Variants in NKAIN3 observed in about 807,000 individuals in gnomAD.
The protein encoded by NKAIN3 is sodium/potassium-transporting ATPase subunit beta-1-interacting protein 3.
NKAIN3 carries 25 observed loss-of-function variants against 30.2 expected under a neutral mutation model. That is an observed-to-expected ratio of 0.83 (90% CI 0.60 to 1.16). The LOEUF (loss-of-function observed/expected upper bound fraction) is 1.16. NKAIN3 is among the 50% of genes most tolerant of loss of function. NKAIN3 has a pLI of 0.00. For missense variants in NKAIN3, 225 were observed against 254.1 expected (o/e 0.89, Z 0.78); for synonymous variants, 91 against 89.6 (o/e 1.02, Z -0.09).
chr8:62,452,571 G>T (rs1206010053), intron 1 of NKAIN3, among the ~76,000 whole-genome samples: 1 of 152,078 alleles, frequency 6.6e-6, no homozygotes, highest in Non-Finnish European at 1.5e-5. Context: ...CCAATGTGAG[G>T]CTTAAATATT....
rs1823816925 is a variant in NKAIN3 at position 62,970,818 on chromosome 8, C to G, written c.*5411C>G. Among the ~76,000 whole-genome samples the G allele has an allele frequency of 6.6e-6, 1 of 152,148 alleles. No homozygotes were observed. The highest frequency in any genetic ancestry group is 6.5e-5 in the Admixed American group (1 of 15,272). Reference sequence around the variant, plus strand: ...CATTTTCCATGTAAGGCATGTTTTTCCTTTCCTCTTCAGAGTTATTTAGAA... The same window carrying G: ...CATTTTCCATGTAAGGCATGTTTTTGCTTTCCTCTTCAGAGTTATTTAGAA... On this transcript the variant is annotated 3_prime_UTR_variant, in exon 7 of 7. Transcript: ENST00000623646.
chr8:62,453,908 C>A (rs1805728213), intron 1 of NKAIN3, among the ~76,000 whole-genome samples: 1 of 152,022 alleles, frequency 6.6e-6, no homozygotes, highest in Admixed American at 6.6e-5. Flanking sequence ...CAGAAAAAAA[C>A]CAGGATCAGA....
chr8:62,731,680 C>G (rs989044653), intron 3 of NKAIN3, among the ~76,000 whole-genome samples: 6 of 152,034 alleles, frequency 3.9e-5, no homozygotes, highest in African/African-American at 1.4e-4. Context: ...AAAAGTTAGC[C>G]CCCGAAACCG....
chr8:62,594,653 T>C (rs1262395325), intron 3 of NKAIN3, among the ~76,000 whole-genome samples: 1 of 152,086 alleles, frequency 6.6e-6, no homozygotes, highest in Non-Finnish European at 1.5e-5. Context: ...TCAGATTGTA[T>C]TTAAAGACTT....
At chr8:62,487,049 A>C (rs1315257951) in intron 1 of NKAIN3, among the ~76,000 whole-genome samples, 1 of 152,200 alleles carries the variant, frequency 6.6e-6, no homozygotes, top group Non-Finnish European at 1.5e-5. Flanking sequence ...GGGGCCATGC[A>C]CTGAAATGCC....
chr8:62,856,061 A>G (rs2130781434), intron 4 of NKAIN3: 1 of 698,054 alleles, frequency 1.4e-6, no homozygotes, highest in Non-Finnish European at 2.6e-6. Flanking sequence ...CCAAGGGCTT[A>G]CACCCCATGA....
At chr8:62,637,892 C>T (rs1367507921) in intron 3 of NKAIN3, among the ~76,000 whole-genome samples, 1 of 152,090 alleles carries the variant, frequency 6.6e-6, no homozygotes, top group East Asian at 1.9e-4. Flanking sequence ...GACCCCTCTG[C>T]CTATAACACA....
At chr8:62,776,829 C>A (rs192817320) in intron 4 of NKAIN3, among the ~76,000 whole-genome samples, 11 of 152,268 alleles carry the variant, frequency 7.2e-5, no homozygotes, top group Middle Eastern at 3.4e-3. Flanking sequence ...TTACTTCTCA[C>A]TCATTAATGA....
intron 4 of NKAIN3, among the ~76,000 whole-genome samples, chr8:62,835,348 G>T (rs913814895): frequency 6.6e-6 from 1 of 152,164 alleles, no homozygotes; most frequent in South Asian, 2.1e-4. Context: ...AAGAGCTTCC[G>T]CACAACAAAA....
At chr8:62,566,528 T>G (rs567202663) in intron 1 of NKAIN3, among the ~76,000 whole-genome samples, 2 of 152,266 alleles carry the variant, frequency 1.3e-5, no homozygotes, top group East Asian at 3.9e-4. Context: ...TGAATTATAT[T>G]CTAATGGTTG....
rs183872923 is a variant in NKAIN3 at position 62,289,534 on chromosome 8, T to C, written c.54+40407T>C. The stretch of plus-strand genomic sequence containing the variant: ...CCATTTCTTGTTTTTGTCAGGTTTG[T>C]CAAAGATCAAATGGGTGCAGATGTG... On this transcript the variant is annotated intron_variant, in intron 1 of 6. Coordinates refer to ENST00000623646, the MANE Select transcript of NKAIN3 (RefSeq NM_001304533.3). 9.2e-5 allele frequency among the ~76,000 whole-genome samples: 14 copies of C among 152,302 alleles called. No individual in the cohort carries two copies. The East Asian group carries it at 2.5e-3, about 27-fold the overall frequency.
chr8:62,345,620 C>T (rs1000234408), intron 1 of NKAIN3, among the ~76,000 whole-genome samples: 16 of 134,838 alleles, frequency 1.2e-4, no homozygotes, highest in South Asian at 1.1e-3. Context: ...TATATACACA[C>T]ATATATATAC....
chr8:62,275,901 G>C (rs757691736), intron 1 of NKAIN3, among the ~76,000 whole-genome samples: 3 of 151,988 alleles, frequency 2.0e-5, no homozygotes, highest in Non-Finnish European at 4.4e-5. Flanking sequence ...AGATGCTTAA[G>C]AAATAAACTT....
intron 3 of NKAIN3, among the ~76,000 whole-genome samples, chr8:62,600,334 ATCAGGGGCCT>A (rs1810952009): frequency 6.6e-6 from 1 of 152,042 alleles, no homozygotes; most frequent in South Asian, 2.1e-4. Context: ...ATGAGCTTTG[ATCAGGGGCCT>A]TCTAAAATCT....
At chr8:62,840,424 C>CAA (rs35484656) in intron 4 of NKAIN3, among the ~76,000 whole-genome samples, 34 of 142,872 alleles carry the variant, frequency 2.4e-4, no homozygotes, top group Admixed American at 1.5e-3. Flanking sequence ...TGGAGGGTCA[C>CAA]AAAAAAAAAA....
chr8:62,364,828 C>CAAAAAATAAAAA (rs1816683857), intron 1 of NKAIN3, among the ~76,000 whole-genome samples: 1 of 63,760 alleles, frequency 1.6e-5, no homozygotes, highest in Non-Finnish European at 2.6e-5. Flanking sequence ...GACTCCACTA[C>CAAAAAATAAAAA]AAAAAAAAAA....
intron 3 of NKAIN3, among the ~76,000 whole-genome samples, chr8:62,592,871 T>C (rs1810697719): frequency 6.6e-6 from 1 of 151,932 alleles, no homozygotes; most frequent in African/African-American, 2.4e-5. Context: ...TGTTTTACAA[T>C]GATAACAGGA....
At chr8:62,657,660 G>A (rs979537320) in intron 3 of NKAIN3, among the ~76,000 whole-genome samples, 15 of 152,142 alleles carry the variant, frequency 9.9e-5, no homozygotes, top group African/African-American at 3.6e-4. Flanking sequence ...ATAGTCTCAC[G>A]CATGCAGTGA....
At chr8:62,439,178 A>G (rs1487829181) in intron 1 of NKAIN3, among the ~76,000 whole-genome samples, 2 of 152,208 alleles carry the variant, frequency 1.3e-5, no homozygotes, top group African/African-American at 4.8e-5. Flanking sequence ...ATGATGCTGG[A>G]TATGGTCCAC....
Sources: allele counts gnomAD v4.1 joint callset (sites outside exome capture counted in the v4.1 genomes callset), GRCh38; gene constraint gnomAD v4.1.1; transcripts MANE v1.5; gene names NCBI Gene and HGNC (gene_info 2026-07-23, HGNC 2026-07-21).